The following OR7E24 variants were observed in gnomAD, a reference collection of about 807,000 sequenced individuals.
The protein encoded by OR7E24 is olfactory receptor 7E24.
For missense variants in OR7E24, 385 were observed against 410.3 expected (o/e 0.94, Z 0.53); for synonymous variants, 130 against 157.5 (o/e 0.83, Z 1.31).
At chr19:9,211,799 G>C in the OR7E24 span, 1 of 145,494 alleles carries the variant, frequency 6.9e-6, no homozygotes, top group Non-Finnish European at 1.5e-5. Flanking sequence ...AAAAAAAAAG[G>C]TGCAACATAT....
At chr19:9,221,823 T>C in the OR7E24 span, among the ~76,000 whole-genome samples, 1 of 152,238 alleles carries the variant, frequency 6.6e-6, no homozygotes, top group African/African-American at 2.4e-5. Context: ...GATTTTTAGT[T>C]TAATGTAATT....
the OR7E24 span, among the ~76,000 whole-genome samples, chr19:9,240,961 G>A: frequency 6.6e-5 from 10 of 152,144 alleles, no homozygotes; most frequent in African/African-American, 2.2e-4. Context: ...GGGATTACAG[G>A]TGCCCGCCAC....
upstream of OR7E24, among the ~76,000 whole-genome samples, chr19:9,248,673 G>A (rs140973383): frequency 1.6e-4 from 24 of 152,314 alleles, no homozygotes; most frequent in Admixed American, 3.9e-4. Context: ...CACTCAGGGC[G>A]CATCTCTCCC....
the OR7E24 span, chr19:9,209,153 G>C: frequency 6.6e-6 from 1 of 152,156 alleles, no homozygotes; most frequent in Non-Finnish European, 1.5e-5. Flanking sequence ...AACCAAAAGC[G>C]ATGTGACAAA....
chr19:9,219,361 A>G, the OR7E24 span: 1 of 152,236 alleles, frequency 6.6e-6, no homozygotes, highest in Non-Finnish European at 1.5e-5. Context: ...GAGTGAGAAC[A>G]GAAGGTGGGA....
chr19:9,239,422 T>A, the OR7E24 span, among the ~76,000 whole-genome samples: 1 of 152,130 alleles, frequency 6.6e-6, no homozygotes, highest in South Asian at 2.1e-4. Context: ...TCCATCCACC[T>A]TGGCCTCCCA....
At chr19:9,217,704 A>C in the OR7E24 span, among the ~76,000 whole-genome samples, 1 of 152,022 alleles carries the variant, frequency 6.6e-6, no homozygotes, top group Admixed American at 6.6e-5. Flanking sequence ...ACGCTCAGCT[A>C]ATTTTTTTAT....
In OR7E24 at chr19:9,251,064, CTTT is replaced by C. The variant is rs201985790; in HGVS notation, c.30_32del (p.Phe11del). 11 of 1,201,754 alleles carry C rather than the reference CTTT, an allele frequency of 9.2e-6. No homozygotes were observed. Among genetic ancestry groups the C allele is most frequent in the Admixed American group, 6.6e-5 (3 of 45,582 alleles). 74.4% of individuals were successfully genotyped at this position (1,201,754 alleles called of 1,614,324 possible). On this transcript the variant is annotated inframe_deletion, in exon 1 of 1. Transcript: ENST00000456448. ...TACTTATGTCCTATTTTCCAATTCT[CTTT>C]TTTTTTTTCCTCAAAAGGTGTCCGA...
At chr19:9,227,094 G>A in the OR7E24 span, among the ~76,000 whole-genome samples, 4 of 152,198 alleles carry the variant, frequency 2.6e-5, no homozygotes, top group East Asian at 3.9e-4. Context: ...CCCTCTCTGT[G>A]TCCATGTGTT....
chr19:9,239,707 C>CTTTTTTTT, the OR7E24 span, among the ~76,000 whole-genome samples: 89 of 122,990 alleles, frequency 7.2e-4, 1 homozygote, highest in African/African-American at 1.8e-3. Flanking sequence ...TTTTCTTTTT[C>CTTTTTTTT]TTTTTTTTTT....
At chr19:9,220,419 C>G in the OR7E24 span, among the ~76,000 whole-genome samples, 1 of 152,306 alleles carries the variant, frequency 6.6e-6, no homozygotes, top group East Asian at 1.9e-4. Context: ...TTCTATTTCT[C>G]TGAGATCACC....
the OR7E24 span, among the ~76,000 whole-genome samples, chr19:9,233,140 ATCT>A: frequency 1.5e-3 from 231 of 152,142 alleles, no homozygotes; most frequent in African/African-American, 5.3e-3. Flanking sequence ...TCATGACCCA[ATCT>A]TCTTCTCTTA....
the OR7E24 span, among the ~76,000 whole-genome samples, chr19:9,223,186 G>T: frequency 1.3e-5 from 2 of 152,088 alleles, no homozygotes. Context: ...TGGTCAACCT[G>T]CTCCCCTGGC....
chr19:9,222,670 A>G, the OR7E24 span, among the ~76,000 whole-genome samples: 1 of 152,042 alleles, frequency 6.6e-6, no homozygotes. Flanking sequence ...AACTTTACTG[A>G]GTCTTTTTTG....
chr19:9,212,498 A>T, the OR7E24 span: 1 of 152,152 alleles, frequency 6.6e-6, no homozygotes, highest in Non-Finnish European at 1.5e-5. Context: ...ATGATATAGA[A>T]TACAATGGCC....
At chr19:9,218,779 C>G in the OR7E24 span, among the ~76,000 whole-genome samples, 8 of 151,976 alleles carry the variant, frequency 5.3e-5, no homozygotes, top group African/African-American at 1.9e-4. Context: ...CAGGTGTAAG[C>G]TAAGGTGTCA....
At chr19:9,227,903 G>A in the OR7E24 span, among the ~76,000 whole-genome samples, 4 of 150,738 alleles carry the variant, frequency 2.7e-5, no homozygotes, top group East Asian at 2.0e-4. Context: ...ACAGGCGCCC[G>A]CCACTACGCC....
the OR7E24 span, among the ~76,000 whole-genome samples, chr19:9,240,754 C>A: frequency 4.6e-5 from 7 of 151,996 alleles, no homozygotes; most frequent in South Asian, 1.5e-3. Context: ...TCAAGATATT[C>A]CTGTATGTTT....
In OR7E24 at chr19:9,251,863, C is replaced by T. The variant is rs779946757; in HGVS notation, c.820C>T (p.Leu274Phe). 1.9e-5 allele frequency: 30 copies of T among 1,614,114 alleles called. No individual in the cohort carries two copies. Among genetic ancestry groups the T allele is most frequent in the Non-Finnish European group, 2.4e-5 (28 of 1,179,990 alleles). Residue 274 changes from leucine (L) to phenylalanine (F), a missense_variant, in exon 1 of 1, where the codon CTT becomes TTT. Coordinates refer to ENST00000456448, the MANE Select transcript of OR7E24 (RefSeq NM_001079935.2). ...TGTTTGCTTATTTTATGGAACAGGG[C>T]TTGTAGGGTACCTCAGTTCAGCTGT... ...AVVCLFYGTG[L>F]VGYLSSAVLP...
Sources: allele counts gnomAD v4.1 joint callset (sites outside exome capture counted in the v4.1 genomes callset), GRCh38; gene constraint gnomAD v4.1.1; transcripts MANE v1.5; gene names NCBI Gene and HGNC (gene_info 2026-07-23, HGNC 2026-07-21).